The following RGL3 variants were observed in gnomAD, a reference collection of about 807,000 sequenced individuals.
RGL3 encodes ral guanine nucleotide dissociation stimulator like 3, also known as ral guanine nucleotide dissociation stimulator-like 3.
In RGL3, 85 loss-of-function variants were observed where a neutral mutation model predicts 90.6. That is an observed-to-expected ratio of 0.94 (90% confidence interval 0.79 to 1.12). RGL3 has a LOEUF of 1.12. RGL3 is among the 50% of genes most tolerant of loss of function. The probability of loss-of-function intolerance (pLI) is 0.00; values close to 1 mark genes in which losing one functional copy is unlikely to be tolerated. For missense variants in RGL3, 1,034 were observed against 939.2 expected (o/e 1.10, Z -1.32); for synonymous variants, 408 against 385.5 (o/e 1.06, Z -0.68).
chr19:11,408,400 G>A (rs370892339), intron 5 of RGL3, among the ~76,000 whole-genome samples: 1 of 152,048 alleles, frequency 6.6e-6, no homozygotes, highest in South Asian at 2.1e-4. Flanking sequence ...TGGCCAACAC[G>A]GTGAAACCCC....
intron 7 of RGL3, among the ~76,000 whole-genome samples, chr19:11,406,025 G>C (rs1377712324): frequency 6.6e-6 from 1 of 151,458 alleles, no homozygotes; most frequent in African/African-American, 2.4e-5. Context: ...CGCCCAGCCT[G>C]ATCCCGTGAC....
Position 11,406,593 on chromosome 19 carries a change from GGA to G in RGL3, c.820_821del (p.Ser274ArgfsTer79). 2 of 1,553,046 alleles carry G rather than the reference GGA, an allele frequency of 1.3e-6. No individual in the cohort carries two copies. The highest frequency in any genetic ancestry group is 1.7e-6 in the Non-Finnish European group (2 of 1,148,534). On this transcript the variant is annotated frameshift_variant, in exon 7 of 19. Coordinates refer to ENST00000380456, the MANE Select transcript of RGL3 (RefSeq NM_001035223.4). LOFTEE classifies it high-confidence loss of function. Reference sequence around the variant, plus strand: ...CCGGCCGGTCCCTCTGCGACCACACGGAGCCCAAGCACTCGTAGAGCCTCACC... The same window carrying G: ...CCGGCCGGTCCCTCTGCGACCACACGGCCCAAGCACTCGTAGAGCCTCACC... ...SKVRLYECLGSVWSQRDRPGA... is the reference protein window; with the variant it reads ...SKVRLYECLGXVWSQRDRPGA...
At chr19:11,408,308 G>A (rs925193341) in intron 5 of RGL3, among the ~76,000 whole-genome samples, 4 of 152,190 alleles carry the variant, frequency 2.6e-5, no homozygotes, top group Non-Finnish European at 4.4e-5. Context: ...GCTGCCGGGC[G>A]CTGTGGCTCA....
In RGL3 at chr19:11,402,086, T is replaced by G; in HGVS notation, c.1409A>C (p.Gln470Pro). The change falls in exon 13 of 19, where the codon CAG becomes CCG. Residue 470 changes from glutamine to proline, a missense_variant. Gln to Pro is a moderately conservative substitution (Grantham distance 76). Transcript: ENST00000380456. ...ARIQQLQRRC[Q>P]SYTLSPHPPI... ...CGGGTGGGGGCTCAGGGTGTAGCTCTGACAGCGCCTCTGCAGCTGCTGGAT... is the reference window on the plus strand; with the variant it reads ...CGGGTGGGGGCTCAGGGTGTAGCTCGGACAGCGCCTCTGCAGCTGCTGGAT... 1 of 1,593,888 alleles carries G rather than the reference T, an allele frequency of 6.3e-7. No homozygotes were observed. The highest frequency in any genetic ancestry group is 8.5e-7 in the Non-Finnish European group (1 of 1,170,214).
chr19:11,398,262 C>G (rs1968612404), intron 16 of RGL3, among the ~76,000 whole-genome samples: 1 of 152,152 alleles, frequency 6.6e-6, no homozygotes, highest in African/African-American at 2.4e-5. Flanking sequence ...ACACCCACAG[C>G]CCATGCCAAT....
intron 2 of RGL3, among the ~76,000 whole-genome samples, chr19:11,417,269 A>G (rs1599446677): frequency 6.7e-6 from 1 of 149,870 alleles, no homozygotes; most frequent in East Asian, 2.0e-4. Flanking sequence ...CTCCTTCCTC[A>G]GCCTCCAAGT....
intron 13 of RGL3, among the ~76,000 whole-genome samples, chr19:11,400,926 G>C (rs984672540): frequency 1.3e-5 from 2 of 151,876 alleles, no homozygotes; most frequent in Non-Finnish European, 2.9e-5. Flanking sequence ...TCAGACTGGG[G>C]TCAGGTCACC....
intron 16 of RGL3, 51 bp from the exon 17 acceptor site, chr19:11,397,648 G>C (rs1228131028): frequency 1.4e-6 from 2 of 1,468,500 alleles, no homozygotes; most frequent in South Asian, 2.7e-5. Flanking sequence ...TGCAGATGCT[G>C]AGGGCTAGAA....
In RGL3 at chr19:11,406,570, G is replaced by A. The variant is rs1393806128; in HGVS notation, c.845C>T (p.Pro282Leu). Residue 282 changes from proline to leucine, a missense_variant, in exon 7 of 19, where the codon CCG (proline) becomes CTG (leucine). Coordinates refer to ENST00000380456, the MANE Select transcript of RGL3 (RefSeq NM_001035223.4). The part of the protein sequence containing the change: ...LGSVWSQRDR[P>L]GAAGASPTVR... ...AGTGGGGGAGGCGCCTGCAGCCCCC[G>A]GCCGGTCCCTCTGCGACCACACGGA... 6.4e-7 allele frequency: 1 copy of A among 1,550,998 alleles called. No individual in the cohort carries two copies.
In RGL3 at chr19:11,405,154, A is replaced by C; in HGVS notation, c.1178T>G (p.Leu393Arg). Reference protein sequence around the residue: ...ENNHLSSREILFQEEATEGSQ... With the variant: ...ENNHLSSREIRFQEEATEGSQ... ...GTCTGCATCCATCTCTACCTGGAAA[A>C]GAATCTCTCTGCTGCTGAGGTGGTT... The change falls in exon 9 of 19, where the codon CTT (leucine) becomes CGT (arginine). Residue 393 changes from leucine (L) to arginine (R), a missense_variant. Physicochemically the swap from Leu to Arg is moderately radical, Grantham distance 102. Transcript: ENST00000380456. 6.2e-7 allele frequency: 1 copy of C among 1,613,980 alleles called. No individual in the cohort carries two copies. Among genetic ancestry groups the C allele is most frequent in the East Asian group, 2.2e-5 (1 of 44,882 alleles).
At position 11,394,420 on chromosome 19, in the gene RGL3, CAG is replaced by C. The variant is rs2144710920; in HGVS notation, c.2113_2114del (p.Leu705ValfsTer34). 2.5e-6 allele frequency: 4 copies of C among 1,613,682 alleles called. No individual in the cohort carries two copies. In the East Asian group the frequency reaches 6.7e-5, roughly 27 times the overall value. On this transcript the variant is annotated frameshift_variant, in exon 19 of 19. Transcript: ENST00000380456. LOFTEE classifies it high-confidence loss of function. Reference sequence around the variant, plus strand: ...GGCTGCCTCAGCTTGGGGAGACAGACAGAGTGTTCCGGGTCCCCTCTTTCCGC... The same window carrying C: ...GGCTGCCTCAGCTTGGGGAGACAGACAGTGTTCCGGGTCCCCTCTTTCCGC... ...LRRKEGTRNT[L>X]SVSPS
rs1599432452 is a variant in RGL3, at chr19:11,402,131, T to C, written c.1364A>G (p.Glu455Gly). Residue 455 changes from glutamate (E) to glycine (G), a missense_variant and splice_region_variant, in exon 13 of 19, where the codon GAG becomes GGG. Glu to Gly is a moderately conservative substitution (Grantham distance 98). Coordinates refer to ENST00000380456, the MANE Select transcript of RGL3 (RefSeq NM_001035223.4). ...DLINFEKRRK[E>G]WEILARIQQL... ...CTGGATGCGGGCCAGGATCTCCCAC[T>C]CCTGGAGGACGAGCCTCTAAGACCC... 1 of 1,609,466 alleles carries C rather than the reference T, an allele frequency of 6.2e-7. No individual in the cohort carries two copies. The highest frequency in any genetic ancestry group is 1.3e-5 in the African/African-American group (1 of 74,884).
In RGL3 at chr19:11,394,195, C is replaced by T; in HGVS notation, c.*207G>A. On this transcript the variant is annotated 3_prime_UTR_variant, in exon 19 of 19. Coordinates refer to ENST00000380456, the MANE Select transcript of RGL3 (RefSeq NM_001035223.4). ...TCTACATTTATGGGATTGAGCTCTC[C>T]ACCAGCCACCCATGGGCTGATGTCT... The T allele has an allele frequency of 1.8e-6, 1 of 550,700 alleles. No homozygotes were observed. 34.1% of individuals were successfully genotyped at this position (550,700 alleles called of 1,614,324 possible).
Position 11,394,921 on chromosome 19 carries a change from C to G in RGL3, c.2015-401G>C, listed in dbSNP as rs1056274183. On this transcript the variant is annotated intron_variant, in intron 18 of 18. Coordinates refer to ENST00000380456, the MANE Select transcript of RGL3 (RefSeq NM_001035223.4). ...TCTGGCCAACATGGTGAAACCCCGT[C>G]TCTACTAAAAATACCAAAAAAATGA... 8.5e-5 allele frequency among the ~76,000 whole-genome samples: 13 copies of G among 152,084 alleles called. No individual in the cohort carries two copies. The East Asian group carries it at 1.5e-3, about 18-fold the overall frequency.
At position 11,397,523 on chromosome 19, in the gene RGL3, C is replaced by G. The variant is rs201609417; in HGVS notation, c.1821G>C (p.Pro607=). The G allele has an allele frequency of 3.1e-6, 5 of 1,613,204 alleles. No individual in the cohort carries two copies. The change falls in exon 17 of 19, where the codon CCG becomes CCC. Residue 607 remains proline, a synonymous_variant. Transcript: ENST00000380456. ...CACGGGCCTCCGAGCTCTGCTGCGC[C>G]GGGAGGGGGATTCGAGGGCTGCCCA... is the stretch of plus-strand genomic sequence containing the variant. The part of the protein sequence containing the change: ...LPLGSPRIPL[P]AQQSSEARVI...
intron 2 of RGL3, among the ~76,000 whole-genome samples, chr19:11,418,020 A>C (rs1283563238): frequency 6.6e-6 from 1 of 151,456 alleles, no homozygotes; most frequent in East Asian, 1.9e-4. Flanking sequence ...TATTAGAGAG[A>C]ATCTTGCTGT....
In RGL3 at chr19:11,419,268, G is replaced by A; in HGVS notation, c.11C>T (p.Thr4Ile). The change falls in exon 1 of 19, where the codon ACA becomes ATA. Residue 4 changes from threonine (T) to isoleucine (I), a missense_variant. Physicochemically the swap from Thr to Ile is moderately conservative, Grantham distance 89. Coordinates refer to ENST00000380456, the MANE Select transcript of RGL3 (RefSeq NM_001035223.4). ...TACCAGGGCCAGCTCTTTGCCTGCT[G>A]TGCGCTCCATGGCCGGCGCCCGTCC... The part of the protein sequence containing the change: MER[T>I]AGKELALAPL... 1.3e-6 allele frequency: 2 copies of A among 1,589,678 alleles called. No individual in the cohort carries two copies. The highest frequency in any genetic ancestry group is 8.5e-7 in the Non-Finnish European group (1 of 1,169,840).
rs772804105 is a variant in RGL3, at chr19:11,394,368, G to A, written c.*34C>T. ...GGAGAAGAGTCGCAAGCTTGCCTGTGGGACTTGTGTCTTGTGGAGAGGACA... is the reference window on the plus strand; with the variant it reads ...GGAGAAGAGTCGCAAGCTTGCCTGTAGGACTTGTGTCTTGTGGAGAGGACA... On this transcript the variant is annotated 3_prime_UTR_variant, in exon 19 of 19. Transcript: ENST00000380456. 2.6e-6 allele frequency: 4 copies of A among 1,523,990 alleles called. No individual in the cohort carries two copies. The South Asian group carries it at 4.5e-5, about 17-fold the overall frequency. 94.4% of individuals were successfully genotyped at this position (1,523,990 alleles called of 1,614,324 possible).
Position 11,418,449 on chromosome 19 carries a change from G to C in RGL3, c.147+222C>G, listed in dbSNP as rs1480471732. 6 of 575,354 alleles carry C rather than the reference G, an allele frequency of 1.0e-5. No homozygotes were observed. In the East Asian group the frequency reaches 1.8e-4, roughly 17 times the overall value. 35.6% of individuals were successfully genotyped at this position (575,354 alleles called of 1,614,324 possible). A position where few individuals can be genotyped will look rare whatever the true frequency, so the allele number is the denominator to read the frequency against. Reference sequence around the variant, plus strand: ...ACCAAGTTGTCCCTAGGCTCCTCTCGGGAACTGCGCGGCCATCGCCTGGCC... The same window carrying C: ...ACCAAGTTGTCCCTAGGCTCCTCTCCGGAACTGCGCGGCCATCGCCTGGCC... On this transcript the variant is annotated intron_variant, in intron 2 of 18. Coordinates refer to ENST00000380456, the MANE Select transcript of RGL3 (RefSeq NM_001035223.4).
Sources: allele counts gnomAD v4.1 joint callset (sites outside exome capture counted in the v4.1 genomes callset), GRCh38; gene constraint gnomAD v4.1.1; transcripts MANE v1.5; gene names NCBI Gene and HGNC (gene_info 2026-07-23, HGNC 2026-07-21).